The following ARHGEF40 variants were observed in gnomAD, a reference collection of about 807,000 sequenced individuals.
ARHGEF40 encodes the protein Rho guanine nucleotide exchange factor (GEF) 40.
Under a neutral mutation model 165.9 loss-of-function variants are expected in ARHGEF40, and 98 were observed. That is an observed-to-expected ratio of 0.59 (90% CI 0.50 to 0.70). The LOEUF (loss-of-function observed/expected upper bound fraction) is 0.70. Ranked by LOEUF, ARHGEF40 falls within the 30% of genes least tolerant of loss-of-function variation. ARHGEF40 has a pLI of 0.00. For missense variants in ARHGEF40, 1,815 were observed against 1,968.0 expected (o/e 0.92, Z 1.47); for synonymous variants, 792 against 814.3 (o/e 0.97, Z 0.47).
rs1248043908 is a variant in ARHGEF40, at chr14:21,078,405, G to C, written c.2163G>C (p.Lys721Asn). 6.2e-7 allele frequency: 1 copy of C among 1,611,312 alleles called. No individual in the cohort carries two copies. Among genetic ancestry groups the C allele is most frequent in the Non-Finnish European group, 8.5e-7 (1 of 1,178,276 alleles). The change falls in exon 10 of 24, where the codon AAG (lysine) becomes AAC (asparagine). Residue 721 changes from lysine (K) to asparagine (N), a missense_variant. Lys to Asn is a moderately conservative substitution (Grantham distance 94). Coordinates refer to ENST00000298694, the MANE Select transcript of ARHGEF40 (RefSeq NM_018071.5). The stretch of plus-strand genomic sequence containing the variant: ...TGGGAATGCCCAAGCCACTGCAGAA[G>C]GTGCTGGCAGATCCCCGGCTGACGG... ...EAVGMPKPLQ[K>N]VLADPRLTAL...
the ARHGEF40 span, among the ~76,000 whole-genome samples, chr14:21,065,075 G>A: frequency 2.7e-4 from 41 of 152,108 alleles, no homozygotes; most frequent in African/African-American, 8.7e-4. Context: ...GGAGGCTGAG[G>A]CAGGAGAATT....
Position 21,070,485 on chromosome 14 carries a change from CGAGCCT to C in ARHGEF40, c.3+88_3+93del. 1 of 1,347,334 alleles carries C rather than the reference CGAGCCT, an allele frequency of 7.4e-7. No individual in the cohort carries two copies. The highest frequency in any genetic ancestry group is 9.5e-7 in the Non-Finnish European group (1 of 1,049,754). 83.5% of individuals were successfully genotyped at this position (1,347,334 alleles called of 1,614,324 possible). ...CCCAAGTCCTCAGCCTGGTGCCTCC[CGAGCCT>C]GCCTCGGACTGTTCGGCCCCTCTGG... On this transcript the variant is annotated intron_variant, in intron 1 of 23. Transcript: ENST00000298694. The surrounding 1 kb of genome is among the most constrained non-coding windows in gnomAD (Gnocchi z 4.7).
In ARHGEF40 at chr14:21,078,250, G is replaced by T; in HGVS notation, c.2108G>T (p.Gly703Val). The change falls in exon 9 of 24, where the codon GGA becomes GTA. Residue 703 changes from glycine (G) to valine (V), a missense_variant. Physicochemically the swap from Gly to Val is moderately radical, Grantham distance 109 (BLOSUM62 -3). Coordinates refer to ENST00000298694, the MANE Select transcript of ARHGEF40 (RefSeq NM_018071.5). The part of the protein sequence containing the change: ...SVRQAIEELE[G>V]AAEPEEEEAV... ...CGGCAGGCCATTGAGGAGCTGGAGGGAGCAGCAGAGCCAGAGGAAGAGGTA... is the reference window on the plus strand; with the variant it reads ...CGGCAGGCCATTGAGGAGCTGGAGGTAGCAGCAGAGCCAGAGGAAGAGGTA... 1.2e-6 allele frequency: 2 copies of T among 1,614,056 alleles called. No homozygotes were observed. The highest frequency in any genetic ancestry group is 1.7e-6 in the Non-Finnish European group (2 of 1,180,010).
intron 7 of ARHGEF40, 59 bp from the exon 8 acceptor site, chr14:21,076,715 A>C: frequency 1.2e-6 from 2 of 1,609,720 alleles, no homozygotes; most frequent in South Asian, 2.2e-5. Context: ...CTGGAGCCCC[A>C]GGCTGGTTTC....
At chr14:21,088,553 G>T (rs927055608) in intron 22 of ARHGEF40, among the ~76,000 whole-genome samples, 36 of 151,940 alleles carry the variant, frequency 2.4e-4, no homozygotes, top group African/African-American at 8.2e-4. Context: ...CTTTTGAGGG[G>T]TGCGCACCTA....
At chr14:21,086,180 C>A (rs1487987730) in intron 19 of ARHGEF40, 14 of 307,912 alleles carry the variant, frequency 4.5e-5, no homozygotes, top group African/African-American at 6.4e-5. Context: ...GTGTTCAAGA[C>A]CAGCCTGGGC....
At position 21,075,735 on chromosome 14, in the gene ARHGEF40, C is replaced by A. The variant is rs1279641846; in HGVS notation, c.1709C>A (p.Thr570Lys). The change falls in exon 5 of 24, where the codon ACA becomes AAA. Residue 570 changes from threonine to lysine, a missense_variant. Coordinates refer to ENST00000298694, the MANE Select transcript of ARHGEF40 (RefSeq NM_018071.5). This position sits in a 1 kb window ranked among gnomAD's most constrained non-coding sequence, Gnocchi z 4.5. ...CCACCCTCCCGAGACACGCTGAACA[C>A]AACTCTTCATTACCTCCACTCACTG... The part of the protein sequence containing the change: ...EPPPSRDTLN[T>K]TLHYLHSLLR... The A allele has an allele frequency of 3.7e-6, 6 of 1,613,758 alleles. No individual in the cohort carries two copies. The South Asian group carries it at 5.5e-5, about 15-fold the overall frequency.
chr14:21,061,580 TG>T, the ARHGEF40 span, among the ~76,000 whole-genome samples: 3,352 of 152,268 alleles, frequency 0.022, 139 homozygotes, highest in African/African-American at 0.077. Context: ...GTGTGTTCTC[TG>T]GGCCCCTGAG....
In ARHGEF40 at chr14:21,075,367, C is replaced by G. The variant is rs1887325098; in HGVS notation, c.1486C>G (p.Pro496Ala). The change falls in exon 4 of 24, where the codon CCA (proline) becomes GCA (alanine). Residue 496 changes from proline to alanine, a missense_variant. By Grantham distance (27) the Pro-to-Ala change is conservative (BLOSUM62 -1). Coordinates refer to ENST00000298694, the MANE Select transcript of ARHGEF40 (RefSeq NM_018071.5). This position sits in a 1 kb window ranked among gnomAD's most constrained non-coding sequence, Gnocchi z 4.5. ...CCCAGAAGGCCCCCTGTCTGACACTCCAACACCTCCGCTGGAGACTGTGCA... is the reference window on the plus strand; with the variant it reads ...CCCAGAAGGCCCCCTGTCTGACACTGCAACACCTCCGCTGGAGACTGTGCA... ...TGPEGPLSDT[P>A]TPPLETVQEG... The G allele has an allele frequency of 6.2e-7, 1 of 1,614,176 alleles. No individual in the cohort carries two copies. Among genetic ancestry groups the G allele is most frequent in the Non-Finnish European group, 8.5e-7 (1 of 1,180,042 alleles).
Position 21,083,821 on chromosome 14 carries a change from T to C in ARHGEF40, c.3574-14T>C. 6.2e-7 allele frequency: 1 copy of C among 1,608,452 alleles called. No homozygotes were observed. Among genetic ancestry groups the C allele is most frequent in the Non-Finnish European group, 8.5e-7 (1 of 1,176,054 alleles). Reference sequence around the variant, plus strand: ...CCACCCCTCCCCTCATCCCTGTCTGTGTCCTCAACCTAGGGCTCCATGGAG... The same window carrying C: ...CCACCCCTCCCCTCATCCCTGTCTGCGTCCTCAACCTAGGGCTCCATGGAG... On this transcript the variant is annotated splice_polypyrimidine_tract_variant and intron_variant, in intron 16 of 23. Coordinates refer to ENST00000298694, the MANE Select transcript of ARHGEF40 (RefSeq NM_018071.5).
chr14:21,076,695 A>C, intron 7 of ARHGEF40, 52 bp downstream of exon 7: 1 of 1,608,198 alleles, frequency 6.2e-7, no homozygotes, highest in South Asian at 1.1e-5. Flanking sequence ...GGGAGAGGAG[A>C]AGAGGCTGGC....
In ARHGEF40 at chr14:21,084,908, C is replaced by T. The variant is rs751419278; in HGVS notation, c.3945C>T (p.Tyr1315=). 63 of 1,613,820 alleles carry T rather than the reference C, an allele frequency of 3.9e-5. No individual in the cohort carries two copies. Among genetic ancestry groups the T allele is most frequent in the Non-Finnish European group, 5.0e-5 (59 of 1,179,970 alleles). Residue 1315 remains tyrosine (Y), a synonymous_variant, in exon 18 of 24, where the codon TAC becomes TAT. Coordinates refer to ENST00000298694, the MANE Select transcript of ARHGEF40 (RefSeq NM_018071.5). ...GPEGGSEMFV[Y]KQAFKTADMG... ...AAGGGGGGTCAGAGATGTTTGTTTA[C>T]AAGCAGGCCTTTAAGGTACGATTCC...
intron 13 of ARHGEF40, 34 bp downstream of exon 13, chr14:21,081,050 C>T: frequency 1.3e-6 from 2 of 1,589,116 alleles, no homozygotes; most frequent in Non-Finnish European, 1.7e-6. Flanking sequence ...TGTGCCCCCC[C>T]ATTTCCATTT....
chr14:21,084,389 C>T lies in ARHGEF40; in HGVS notation c.3789+339C>T, dbSNP rs538749937. Among the ~76,000 whole-genome samples the T allele has an allele frequency of 3.9e-5, 6 of 152,318 alleles. No homozygotes were observed. The East Asian group carries it at 1.2e-3, about 29-fold the overall frequency. The stretch of plus-strand genomic sequence containing the variant: ...TTGTCTCGTCTACCTAGTCTTTTTC[C>T]AGCCCTGAGGTTCCAGAACATGTTG... On this transcript the variant is annotated intron_variant, in intron 17 of 23. Coordinates refer to ENST00000298694, the MANE Select transcript of ARHGEF40 (RefSeq NM_018071.5).
In ARHGEF40 at chr14:21,085,343, G is replaced by T. The variant is rs148671878; in HGVS notation, c.3961-346G>T. On this transcript the variant is annotated intron_variant, in intron 18 of 23. Transcript: ENST00000298694. ...GCATTTATAGCAACCTATGGTCCTG[G>T]ATCAGGCAGTGTGGAATGGATTCTA... 3.4e-3 allele frequency among the ~76,000 whole-genome samples: 514 copies of T among 152,306 alleles called. 1 individual carries two copies. The highest frequency in any genetic ancestry group is 6.0e-3 in the Non-Finnish European group (405 of 68,008).
At chr14:21,080,248 A>C (rs28370407) in intron 11 of ARHGEF40, among the ~76,000 whole-genome samples, 122 of 85,876 alleles carry the variant, frequency 1.4e-3, no homozygotes, top group Admixed American at 4.9e-3. Context: ...ACACACACAC[A>C]CCCCTTCTGT....
In ARHGEF40 at chr14:21,075,691, G is replaced by C. The variant is rs770033714; in HGVS notation, c.1665G>C (p.Pro555=). ...GAGCTCTGCTGACCATTACCCCACC[G>C]TGCCCTCCTGAGGAGCCCCCACCCT... The part of the protein sequence containing the change: ...SGRALLTITP[P]CPPEEPPPSR... The change falls in exon 5 of 24, where the codon CCG becomes CCC. Residue 555 remains proline (P), a synonymous_variant. Transcript: ENST00000298694. This position sits in a 1 kb window ranked among gnomAD's most constrained non-coding sequence, Gnocchi z 4.5. 3 of 1,613,718 alleles carry C rather than the reference G, an allele frequency of 1.9e-6. No individual in the cohort carries two copies. The highest frequency in any genetic ancestry group is 2.5e-6 in the Non-Finnish European group (3 of 1,179,962).
At position 21,070,834 on chromosome 14, in the gene ARHGEF40, G is replaced by A. The variant is rs528272503; in HGVS notation, c.3+435G>A. 18 of 1,535,652 alleles carry A rather than the reference G, an allele frequency of 1.2e-5. No individual in the cohort carries two copies. In the South Asian group the frequency reaches 2.1e-4, roughly 18 times the overall value. On this transcript the variant is annotated intron_variant, in intron 1 of 23. Coordinates refer to ENST00000298694, the MANE Select transcript of ARHGEF40 (RefSeq NM_018071.5). The surrounding 1 kb of genome is among the most constrained non-coding windows in gnomAD (Gnocchi z 4.7). Reference sequence around the variant, plus strand: ...TCGGGTCATGAGAACTGACCTGCATGGAACCACCATTTTCCATCCCTGTCC... The same window carrying A: ...TCGGGTCATGAGAACTGACCTGCATAGAACCACCATTTTCCATCCCTGTCC...
chr14:21,071,877 G>GA (rs1886932813), intron 1 of ARHGEF40, among the ~76,000 whole-genome samples: 1 of 152,224 alleles, frequency 6.6e-6, no homozygotes, highest in Non-Finnish European at 1.5e-5. Flanking sequence ...CTGACGCACT[G>GA]AATGTCCCGT....
Sources: gnomAD v4.1 joint callset for allele counts (sites outside exome capture counted in the v4.1 genomes callset) on GRCh38, gnomAD v4.1.1 for gene constraint, Gnocchi (gnomAD v3.1) non-coding constraint, MANE v1.5 for transcripts, NCBI Gene and HGNC (gene_info 2026-07-23, HGNC 2026-07-21) for gene names.